Variants in TMEM263 observed in about 807,000 individuals in gnomAD.
TMEM263 encodes UPF0444 transmembrane protein C12orf23.
In TMEM263, 5 loss-of-function variants were observed where a neutral mutation model predicts 8.6. That is an observed-to-expected ratio of 0.58 (90% CI 0.31 to 1.23). The LOEUF is 1.23. TMEM263 is among the 50% of genes most tolerant of loss of function. TMEM263 has a pLI of 0.07. For missense variants in TMEM263, 104 were observed against 138.8 expected (o/e 0.75, Z 1.26); for synonymous variants, 50 against 47.9 (o/e 1.04, Z -0.18).
At chr12:106,958,087 G>C (rs940708006) in intron 2 of TMEM263, among the ~76,000 whole-genome samples, 3 of 152,166 alleles carry the variant, frequency 2.0e-5, no homozygotes, top group Non-Finnish European at 2.9e-5. Context: ...AGAATATGTA[G>C]AAGAATTTAG....
chr12:106,966,504 A>G (rs1475059407), intron 2 of TMEM263, among the ~76,000 whole-genome samples: 1 of 152,204 alleles, frequency 6.6e-6, no homozygotes, highest in Non-Finnish European at 1.5e-5. Flanking sequence ...TAGAAATGGG[A>G]TTGCTGGGTT....
At chr12:106,957,204 G>GTGTGTGTGTGTGTA (rs1555270714) in intron 2 of TMEM263, 55 bp downstream of exon 2, 2 of 906,970 alleles carry the variant, frequency 2.2e-6, no homozygotes, top group East Asian at 2.4e-4. Context: ...GTGTGTGTGT[G>GTGTGTGTGTGTGTA]TGTGTGTATG....
At chr12:106,965,438 C>T (rs183936095) in intron 2 of TMEM263, among the ~76,000 whole-genome samples, 97 of 152,192 alleles carry the variant, frequency 6.4e-4, no homozygotes, top group Admixed American at 4.3e-3. Flanking sequence ...GAAACCCCAT[C>T]TCTACTAAAA....
rs1434725518 is a variant in TMEM263 at position 106,970,965 on chromosome 12, G to T, written c.65-140G>T. The T allele has an allele frequency of 1.6e-5, 12 of 750,862 alleles. No homozygotes were observed. In the East Asian group the frequency reaches 2.9e-4, roughly 18 times the overall value. 46.5% of individuals were successfully genotyped at this position (750,862 alleles called of 1,614,324 possible). On this transcript the variant is annotated intron_variant, in intron 3 of 3. Transcript: ENST00000280756. ...TATACCCTGAAGGAAGAGCTCTTCA[G>T]TGTCTTTGAATCAGTGTGGTTGGCC... is the stretch of plus-strand genomic sequence containing the variant.
intron 2 of TMEM263, among the ~76,000 whole-genome samples, chr12:106,962,974 A>G (rs954468295): frequency 6.6e-6 from 1 of 152,242 alleles, no homozygotes; most frequent in African/African-American, 2.4e-5. Context: ...GAGAGACCCA[A>G]AGTAAACAGA....
intron 2 of TMEM263, among the ~76,000 whole-genome samples, chr12:106,966,053 G>A (rs1206001229): frequency 1.3e-5 from 2 of 152,098 alleles, no homozygotes; most frequent in African/African-American, 4.8e-5. Context: ...ATCGTGTGTT[G>A]TGGGGGTTGG....
chr12:106,958,274 A>G (rs989597167), intron 2 of TMEM263, among the ~76,000 whole-genome samples: 3 of 152,194 alleles, frequency 2.0e-5, no homozygotes, highest in African/African-American at 4.8e-5. Context: ...TGGTACCCAG[A>G]GGAAAATTTA....
intron 2 of TMEM263, among the ~76,000 whole-genome samples, chr12:106,959,040 A>G (rs1463504590): frequency 6.6e-6 from 1 of 152,218 alleles, no homozygotes; most frequent in African/African-American, 2.4e-5. Context: ...GTCTATTCCC[A>G]CTGGATTGTA....
At chr12:106,960,625 G>A (rs1951760147) in intron 2 of TMEM263, among the ~76,000 whole-genome samples, 1 of 152,102 alleles carries the variant, frequency 6.6e-6, no homozygotes, top group Non-Finnish European at 1.5e-5. Context: ...GTGGGAGTGG[G>A]AGTGTGGTTG....
rs767945496 is a variant in TMEM263 at position 106,971,301 on chromosome 12, C to T, written c.261C>T (p.Val87=). The T allele has an allele frequency of 3.7e-5, 59 of 1,614,166 alleles. No homozygotes were observed. The highest frequency in any genetic ancestry group is 3.3e-5 in the Non-Finnish European group (39 of 1,180,036). The change falls in exon 4 of 4, where the codon GTC becomes GTT. Residue 87 remains valine (V), a synonymous_variant. Coordinates refer to ENST00000280756, the MANE Select transcript of TMEM263 (RefSeq NM_152261.4). Reference sequence around the variant, plus strand: ...GAATAGGGCTGGTGAAAGGGGGTGTCTCTGCTGTGGCTGGAGGTGTTACAG... The same window carrying T: ...GAATAGGGCTGGTGAAAGGGGGTGTTTCTGCTGTGGCTGGAGGTGTTACAG... ...SMGIGLVKGG[V]SAVAGGVTAV...
intron 2 of TMEM263, among the ~76,000 whole-genome samples, chr12:106,965,115 C>T (rs1191745217): frequency 6.6e-6 from 1 of 152,174 alleles, no homozygotes; most frequent in African/African-American, 2.4e-5. Context: ...TCCTACTGCC[C>T]TTGATGCGAC....
chr12:106,955,972 G>T lies in TMEM263; in HGVS notation c.-168G>T. 1 of 986,030 alleles carries T rather than the reference G, an allele frequency of 1.0e-6. No homozygotes were observed. The highest frequency in any genetic ancestry group is 1.2e-6 in the Non-Finnish European group (1 of 830,456). The allele number at this position is 986,030 out of a possible 1,614,324, so 61.1% of individuals were successfully genotyped here. A position where few individuals can be genotyped will look rare whatever the true frequency, so the allele number is the denominator to read the frequency against. On this transcript the variant is annotated 5_prime_UTR_variant, in exon 1 of 4. Coordinates refer to ENST00000280756, the MANE Select transcript of TMEM263 (RefSeq NM_152261.4). ...GCCGCGACTGCCCGGGGTTGTGCCG[G>T]CCGCCGCTGCCGCCCAGGCCGCCTC...
chr12:106,972,607 A>C lies in TMEM263; in HGVS notation c.*1216A>C, dbSNP rs1193244920. 1.3e-5 allele frequency: 2 copies of C among 152,140 alleles called. No individual in the cohort carries two copies. The highest frequency in any genetic ancestry group is 4.8e-5 in the African/African-American group (2 of 41,444). The allele number at this position is 152,140 out of a possible 1,614,324, so 9.4% of individuals were successfully genotyped here. A position where few individuals can be genotyped will look rare whatever the true frequency, so the allele number is the denominator to read the frequency against. ...TTGTATCATTTTTCAAGCCAATTTC[A>C]GTCAGGGATTTGAATTGTTTGATTA... On this transcript the variant is annotated 3_prime_UTR_variant, in exon 4 of 4. Coordinates refer to ENST00000280756, the MANE Select transcript of TMEM263 (RefSeq NM_152261.4).
At position 106,957,099 on chromosome 12, in the gene TMEM263, G is replaced by C; in HGVS notation, c.-57G>C. On this transcript the variant is annotated 5_prime_UTR_variant, in exon 2 of 4. Transcript: ENST00000280756. The stretch of plus-strand genomic sequence containing the variant: ...TTGTTTAGCCTTTGAAACTTCTGCT[G>C]GTGTGAGTGCCCTCAGGGGTTCCCC... 1.0e-6 allele frequency: 1 copy of C among 985,498 alleles called. No individual in the cohort carries two copies. Among genetic ancestry groups the C allele is most frequent in the Non-Finnish European group, 1.2e-6 (1 of 830,026 alleles). The allele number at this position is 985,498 out of a possible 1,614,324, so 61.0% of individuals were successfully genotyped here. A position where few individuals can be genotyped will look rare whatever the true frequency, so the allele number is the denominator to read the frequency against.
At chr12:106,956,186 G>C in intron 1 of TMEM263, 121 bp downstream of exon 1, 3 of 467,786 alleles carry the variant, frequency 6.4e-6, no homozygotes, top group Non-Finnish European at 8.4e-6. Flanking sequence ...TGCCCAGCGG[G>C]GCCTTGGCGA....
At position 106,959,812 on chromosome 12, in the gene TMEM263, T is replaced by G. The variant is rs188708227; in HGVS notation, c.-7+2663T>G. Among the ~76,000 whole-genome samples the G allele has an allele frequency of 1.9e-4, 29 of 152,302 alleles. No homozygotes were observed. In the East Asian group the frequency reaches 4.2e-3, roughly 22 times the overall value. On this transcript the variant is annotated intron_variant, in intron 2 of 3. Transcript: ENST00000280756. ...TGGAATGGTTTATGTGAATGAAAAG[T>G]ACAGATGACACAGTTAAGGATTTTA...
chr12:106,969,171 A>G (rs535965078), intron 3 of TMEM263, among the ~76,000 whole-genome samples: 4 of 152,218 alleles, frequency 2.6e-5, no homozygotes, highest in Non-Finnish European at 5.9e-5. Flanking sequence ...ATCTCAAGGT[A>G]AATTTGTGCC....
chr12:106,961,212 C>A (rs114529158), intron 2 of TMEM263, among the ~76,000 whole-genome samples: 1 of 146,828 alleles, frequency 6.8e-6, no homozygotes, highest in Non-Finnish European at 1.5e-5. Context: ...CGTGCACCAC[C>A]GTGCCCAGTC....
Position 106,971,579 on chromosome 12 carries a change from A to G in TMEM263, c.*188A>G. 2.0e-6 allele frequency: 1 copy of G among 498,212 alleles called. No homozygotes were observed. The highest frequency in any genetic ancestry group is 3.3e-6 in the Non-Finnish European group (1 of 298,992). The allele number at this position is 498,212 out of a possible 1,614,324, so 30.9% of individuals were successfully genotyped here. A position where few individuals can be genotyped will look rare whatever the true frequency, so the allele number is the denominator to read the frequency against. On this transcript the variant is annotated 3_prime_UTR_variant, in exon 4 of 4. Transcript: ENST00000280756. ...CGAGCACAGTATATGAAGGTTTCTC[A>G]TACTTAAGTTCCAGGTTTTTATCTG... is the stretch of plus-strand genomic sequence containing the variant.
Sources: gnomAD v4.1 joint callset for allele counts (sites outside exome capture counted in the v4.1 genomes callset) on GRCh38, gnomAD v4.1.1 for gene constraint, MANE v1.5 for transcripts, NCBI Gene and HGNC (gene_info 2026-07-23, HGNC 2026-07-21) for gene names.